The following FAM13A variants were observed in gnomAD, a reference collection of about 807,000 sequenced individuals.
FAM13A encodes the protein family with sequence similarity 13 member A.
A neutral mutation model predicts 129.6 loss-of-function variants in FAM13A; 76 were observed. That is an observed-to-expected ratio of 0.59 (90% CI 0.49 to 0.71). The LOEUF is 0.71. FAM13A is among the 30% of genes least tolerant of loss of function. FAM13A has a pLI of 0.00. For synonymous variants in FAM13A, 443 were observed against 449.9 expected (o/e 0.98, Z 0.20); for missense variants, 1,108 against 1,249.3 (o/e 0.89, Z 1.70).
intron 5 of FAM13A, among the ~76,000 whole-genome samples, chr4:88,923,895 C>T (rs1579300920): frequency 6.6e-6 from 1 of 152,264 alleles, no homozygotes; most frequent in East Asian, 1.9e-4. Flanking sequence ...CACAAGCATT[C>T]TTATACACCA....
intron 7 of FAM13A, among the ~76,000 whole-genome samples, chr4:88,825,380 C>T (rs1732813231): frequency 6.6e-6 from 1 of 151,876 alleles, no homozygotes; most frequent in Non-Finnish European, 1.5e-5. Context: ...CATGCCCCCC[C>T]TAATTTTTGT....
At position 88,747,615 on chromosome 4, in the gene FAM13A, C is replaced by A. The variant is rs573790915; in HGVS notation, c.2382+16G>T. On this transcript the variant is annotated intron_variant, in intron 18 of 23. Transcript: ENST00000264344. ...TGCAATGGCTTAGGGCTTAGCACTT[C>A]ACAGAATGATCGCACCTTAATGTCC... The A allele has an allele frequency of 3.1e-6, 5 of 1,608,868 alleles. No homozygotes were observed. The South Asian group carries it at 5.5e-5, about 18-fold the overall frequency.
chr4:88,823,297 C>T, intron 7 of FAM13A: 5 of 1,194,004 alleles, frequency 4.2e-6, no homozygotes, highest in Non-Finnish European at 5.2e-6. Flanking sequence ...ATCAGAGCAG[C>T]AGCTGCTGCA....
chr4:88,918,057 G>A (rs1374164058), intron 5 of FAM13A, among the ~76,000 whole-genome samples: 2 of 152,176 alleles, frequency 1.3e-5, no homozygotes, highest in African/African-American at 4.8e-5. Flanking sequence ...AGTGTCCTCT[G>A]GGAAGTCTGG....
chr4:89,035,195 G>C (rs1769225332), intron 1 of FAM13A, among the ~76,000 whole-genome samples: 1 of 152,104 alleles, frequency 6.6e-6, no homozygotes, highest in African/African-American at 2.4e-5. Flanking sequence ...AGGGAGGAGA[G>C]AGGGAGAGGG....
intron 6 of FAM13A, among the ~76,000 whole-genome samples, chr4:88,906,090 C>T (rs1188016318): frequency 6.6e-6 from 1 of 152,132 alleles, no homozygotes; most frequent in African/African-American, 2.4e-5. Context: ...GAGTTTGAGA[C>T]CAGCCTGGCC....
At chr4:88,955,826 G>A (rs931679076) in intron 4 of FAM13A, among the ~76,000 whole-genome samples, 1 of 152,078 alleles carries the variant, frequency 6.6e-6, no homozygotes, top group African/African-American at 2.4e-5. Flanking sequence ...GTTTGGAATT[G>A]GAACTTATGT....
chr4:88,806,681 C>CAG (rs548047830), intron 7 of FAM13A, among the ~76,000 whole-genome samples: 81 of 152,040 alleles, frequency 5.3e-4, no homozygotes, highest in Non-Finnish European at 9.3e-4. Flanking sequence ...TAACTCTTCC[C>CAG]AGGTGAGGGG....
chr4:89,051,857 T>C (rs1771633693), intron 1 of FAM13A, among the ~76,000 whole-genome samples: 1 of 152,214 alleles, frequency 6.6e-6, no homozygotes, highest in Non-Finnish European at 1.5e-5. Context: ...ATAATCCTTT[T>C]TGGCTCAATC....
intron 5 of FAM13A, among the ~76,000 whole-genome samples, chr4:88,930,542 C>T (rs1444192920): frequency 2.0e-5 from 3 of 152,120 alleles, no homozygotes; most frequent in African/African-American, 7.2e-5. Flanking sequence ...ACTTGGACAT[C>T]AACTAAGCCA....
rs539126611 is a variant in FAM13A at position 89,026,899 on chromosome 4, G to C, written c.217+2561C>G. Among the ~76,000 whole-genome samples the C allele has an allele frequency of 3.3e-5, 5 of 152,254 alleles. No individual in the cohort carries two copies. The South Asian group carries it at 1.0e-3, about 32-fold the overall frequency. ...TAACCATCAGCAGAATGAATAATCT[G>C]CCATAGAGTCCCTGTCAAAAGTTGA... is the stretch of plus-strand genomic sequence containing the variant. On this transcript the variant is annotated intron_variant, in intron 2 of 23. Transcript: ENST00000264344.
intron 4 of FAM13A, among the ~76,000 whole-genome samples, chr4:88,981,572 G>C (rs1191091678): frequency 1.3e-5 from 2 of 152,104 alleles, no homozygotes; most frequent in African/African-American, 4.8e-5. Flanking sequence ...CAGTGCCTTA[G>C]AGCAGATCCT....
At chr4:88,947,394 G>C (rs1473750690) in intron 4 of FAM13A, among the ~76,000 whole-genome samples, 1 of 152,160 alleles carries the variant, frequency 6.6e-6, no homozygotes, top group African/African-American at 2.4e-5. Flanking sequence ...GGGTGACAGA[G>C]AGAAACTGTC....
At chr4:88,913,628 C>T (rs1387201264) in intron 5 of FAM13A, among the ~76,000 whole-genome samples, 3 of 152,194 alleles carry the variant, frequency 2.0e-5, no homozygotes, top group Admixed American at 2.0e-4. Context: ...ACTGTGATCA[C>T]AATTCCATAG....
chr4:88,876,541 T>C (rs758707944), intron 6 of FAM13A, among the ~76,000 whole-genome samples: 10 of 152,152 alleles, frequency 6.6e-5, no homozygotes, highest in Non-Finnish European at 1.5e-4. Context: ...ATCCATTCTA[T>C]AGGATCATAG....
chr4:88,956,381 T>C (rs767525972), intron 4 of FAM13A, among the ~76,000 whole-genome samples: 4 of 152,338 alleles, frequency 2.6e-5, no homozygotes, highest in Middle Eastern at 3.4e-3. Context: ...CTATATCATA[T>C]AGCCTAGGTG....
chr4:89,051,166 G>C (rs988197769), intron 1 of FAM13A, among the ~76,000 whole-genome samples: 1 of 152,118 alleles, frequency 6.6e-6, no homozygotes, highest in African/African-American at 2.4e-5. Context: ...GCTTATAAAT[G>C]AAAGAAATTT....
chr4:88,920,922 G>A (rs1041531763), intron 5 of FAM13A, among the ~76,000 whole-genome samples: 31 of 152,150 alleles, frequency 2.0e-4, no homozygotes, highest in African/African-American at 6.5e-4. Context: ...CTCAGGAGCC[G>A]ATGTGATCAA....
At chr4:88,995,427 A>AATCAGCTGCCAGCAGAGGAACATGGAAGG (rs1455710536) in intron 3 of FAM13A, among the ~76,000 whole-genome samples, 34 of 152,282 alleles carry the variant, frequency 2.2e-4, no homozygotes, top group Middle Eastern at 3.4e-3. Context: ...GGCACCATCT[A>AATCAGCTGCCAGCAGAGGAACATGGAAGG]ATCAGCTGCC....
Sources: allele counts gnomAD v4.1 joint callset (sites outside exome capture counted in the v4.1 genomes callset), GRCh38; gene constraint gnomAD v4.1.1; transcripts MANE v1.5; gene names NCBI Gene and HGNC (gene_info 2026-07-23, HGNC 2026-07-21).